HMCN1: variants seen among roughly 807,000 people sequenced by gnomAD.
HMCN1 encodes the protein hemicentin 1, also known as hemicentin-1.
HMCN1 carries 321 observed loss-of-function variants against 625.9 expected under a neutral mutation model. That is an observed-to-expected ratio of 0.51 (90% CI 0.47 to 0.56). The LOEUF is 0.56. HMCN1 is among the 20% of genes least tolerant of loss of function. The pLI, the probability that HMCN1 is intolerant of heterozygous loss-of-function variation, is 0.00. For missense variants in HMCN1, 6,588 were observed against 6,887.3 expected, an observed-to-expected ratio of 0.96 and a Z score of 1.54; for synonymous variants, 2,425 against 2,417.6, an observed-to-expected ratio of 1.00 and a Z score of -0.09.
chr1:186,029,707 T>A (rs926894151), intron 36 of HMCN1, among the ~76,000 whole-genome samples: 26 of 151,942 alleles, frequency 1.7e-4, no homozygotes, highest in Admixed American at 7.9e-4. Context: ...TCTCTACTGT[T>A]TTTCTCTTCT....
At position 186,052,569 on chromosome 1, in the gene HMCN1, C is replaced by G. The variant is rs183785672; in HGVS notation, c.6578-383C>G. On this transcript the variant is annotated intron_variant, in intron 42 of 106. Coordinates refer to ENST00000271588, the MANE Select transcript of HMCN1 (RefSeq NM_031935.3). Reference sequence around the variant, plus strand: ...CTGTTCACTATTTGAGATATCAAAGCTAGCTAGGCAACAGTGACTGGGCTA... The same window carrying G: ...CTGTTCACTATTTGAGATATCAAAGGTAGCTAGGCAACAGTGACTGGGCTA... Among the ~76,000 whole-genome samples, 14 of 152,136 alleles carry G rather than the reference C, an allele frequency of 9.2e-5. No homozygotes were observed. The East Asian group carries it at 2.1e-3, about 23-fold the overall frequency.
chr1:185,757,687 T>G (rs1655221672), intron 1 of HMCN1, among the ~76,000 whole-genome samples: 1 of 152,166 alleles, frequency 6.6e-6, no homozygotes, highest in Non-Finnish European at 1.5e-5. Context: ...ACAAGTTTCA[T>G]CTATCTTAAT....
intron 4 of HMCN1, among the ~76,000 whole-genome samples, chr1:185,871,151 G>C (rs112459330): frequency 0.048 from 7,253 of 151,526 alleles, 598 homozygotes; most frequent in African/African-American, 0.16. Flanking sequence ...ATCGCTTGAG[G>C]CTGGGAGGCA....
intron 70 of HMCN1, 74 bp downstream of exon 70, chr1:186,107,039 A>G: frequency 2.3e-6 from 2 of 876,842 alleles, no homozygotes; most frequent in Admixed American, 1.7e-5. Flanking sequence ...ACACCACAGC[A>G]CATCACAGGA....
intron 15 of HMCN1, among the ~76,000 whole-genome samples, chr1:185,972,579 C>T (rs928565314): frequency 1.3e-5 from 2 of 152,188 alleles, no homozygotes; most frequent in Admixed American, 6.5e-5. Context: ...GAACCATCAA[C>T]ATAAGCCAAA....
intron 60 of HMCN1, 36 bp downstream of exon 60, chr1:186,087,681 C>T (rs1659591323): frequency 1.3e-6 from 2 of 1,578,204 alleles, no homozygotes; most frequent in East Asian, 4.5e-5. Context: ...GTCATGACAC[C>T]TTGGTGGGGT....
intron 104 of HMCN1, among the ~76,000 whole-genome samples, chr1:186,181,215 T>G (rs1468277711): frequency 6.6e-6 from 1 of 152,150 alleles, no homozygotes; most frequent in Non-Finnish European, 1.5e-5. Flanking sequence ...GAATCAACAC[T>G]TTGGTTAACT....
chr1:185,899,179 G>T (rs1665664121), intron 4 of HMCN1, among the ~76,000 whole-genome samples: 1 of 152,114 alleles, frequency 6.6e-6, no homozygotes, highest in Non-Finnish European at 1.5e-5. Flanking sequence ...TTAGTGTCCA[G>T]TGACACTGGG....
chr1:186,070,539 C>T (rs1558194861), intron 51 of HMCN1, 73 bp from the exon 52 acceptor site: 5 of 1,284,544 alleles, frequency 3.9e-6, no homozygotes, highest in Non-Finnish European at 5.7e-6. Flanking sequence ...AAGTAATCCT[C>T]AGTGTGATTT....
chr1:185,829,374 T>G (rs760789010), intron 1 of HMCN1, among the ~76,000 whole-genome samples: 15 of 151,980 alleles, frequency 9.9e-5, no homozygotes, highest in Non-Finnish European at 1.6e-4. Context: ...TTGCTGCACC[T>G]ATTGACCTGT....
At chr1:185,992,517 T>C (rs1043751738) in intron 22 of HMCN1, among the ~76,000 whole-genome samples, 1 of 152,188 alleles carries the variant, frequency 6.6e-6, no homozygotes, top group African/African-American at 2.4e-5. Context: ...GTCAATACTT[T>C]CCTTACTTTT....
intron 20 of HMCN1, among the ~76,000 whole-genome samples, chr1:185,988,047 C>T (rs569432948): frequency 8.5e-5 from 13 of 152,066 alleles, no homozygotes; most frequent in East Asian, 3.9e-4. Context: ...ATGCTACGGA[C>T]GTGTTCACTG....
intron 2 of HMCN1, among the ~76,000 whole-genome samples, chr1:185,846,511 C>A (rs1159568056): frequency 2.0e-5 from 3 of 152,120 alleles, no homozygotes; most frequent in Non-Finnish European, 2.9e-5. Context: ...TATAAGTCAG[C>A]CATATGAAAT....
chr1:186,015,070 A>G (rs1050853083), intron 30 of HMCN1, 89 bp from the exon 31 acceptor site: 122 of 1,152,586 alleles, frequency 1.1e-4, no homozygotes, highest in Non-Finnish European at 4.0e-5. Context: ...TTTACTTTAA[A>G]TGCATTGTTT....
intron 1 of HMCN1, among the ~76,000 whole-genome samples, chr1:185,780,661 T>C (rs7519398): frequency 0.091 from 13,833 of 152,124 alleles, 2,024 homozygotes; most frequent in African/African-American, 0.31. Context: ...TATTTATTTT[T>C]GTATGTTGAA....
In HMCN1 at chr1:185,909,552, G is replaced by C. The variant is rs375036778; in HGVS notation, c.793+44G>C. 2.2e-5 allele frequency: 34 copies of C among 1,527,732 alleles called. No homozygotes were observed. In the African/African-American group the frequency reaches 3.3e-4, roughly 15 times the overall value. 94.6% of individuals were successfully genotyped at this position (1,527,732 alleles called of 1,614,324 possible). A position where few individuals can be genotyped will look rare whatever the true frequency, so the allele number is the denominator to read the frequency against. On this transcript the variant is annotated intron_variant, in intron 5 of 106. Coordinates refer to ENST00000271588, the MANE Select transcript of HMCN1 (RefSeq NM_031935.3). ...CACATAATAAAATACAAAATACATA[G>C]AGGGTAAAATACTTTTCACACACTT... is the stretch of plus-strand genomic sequence containing the variant.
At chr1:185,862,464 A>G (rs949976849) in intron 2 of HMCN1, among the ~76,000 whole-genome samples, 12 of 152,168 alleles carry the variant, frequency 7.9e-5, no homozygotes, top group African/African-American at 2.7e-4. Flanking sequence ...TTGAAACCAA[A>G]TATCTATGCA....
intron 1 of HMCN1, among the ~76,000 whole-genome samples, chr1:185,738,576 T>C (rs958085200): frequency 7.2e-5 from 11 of 152,238 alleles, no homozygotes; most frequent in African/African-American, 2.7e-4. Context: ...TGGATATACC[T>C]GGCAGTGGAA....
At chr1:186,004,617 G>C (rs1312044666) in intron 29 of HMCN1, among the ~76,000 whole-genome samples, 2 of 152,016 alleles carry the variant, frequency 1.3e-5, no homozygotes, top group African/African-American at 4.8e-5. Flanking sequence ...AGGCAAAAAA[G>C]CAAAGGTTTG....
Sources: gnomAD v4.1 joint callset for allele counts (sites outside exome capture counted in the v4.1 genomes callset) on GRCh38, gnomAD v4.1.1 for gene constraint, MANE v1.5 for transcripts, NCBI Gene and HGNC (gene_info 2026-07-23, HGNC 2026-07-21) for gene names.